The following KDM4B variants were observed in gnomAD, a reference collection of about 807,000 sequenced individuals.
KDM4B encodes lysine-specific demethylase 4B.
Under a neutral mutation model 125.2 loss-of-function variants are expected in KDM4B, and 32 were observed. The ratio of observed to expected loss-of-function variants is 0.26; its 90% CI spans 0.19 to 0.34. The LOEUF (loss-of-function observed/expected upper bound fraction) is 0.34, where lower values mean the gene tolerates loss of function less well. Among genes scored for constraint, KDM4B ranks in the 10% least tolerant of loss-of-function variants. KDM4B has a pLI of 1.00. For synonymous variants in KDM4B, 721 were observed against 677.9 expected, an observed-to-expected ratio of 1.06 and a Z score of -0.99; for missense variants, 1,190 against 1,577.7, an observed-to-expected ratio of 0.75 and a Z score of 4.16.
chr19:4,998,128 G>C (rs898541354), intron 1 of KDM4B, among the ~76,000 whole-genome samples: 1 of 152,210 alleles, frequency 6.6e-6, no homozygotes, highest in African/African-American at 2.4e-5. Context: ...TCCCCGCTCT[G>C]TGTGGCTCCA....
intron 6 of KDM4B, among the ~76,000 whole-genome samples, chr19:5,051,187 C>T (rs921656417): frequency 2.0e-5 from 3 of 152,256 alleles, no homozygotes; most frequent in Admixed American, 1.3e-4. Context: ...TGTTGGGTCT[C>T]GGCCAGCCCT....
intron 2 of KDM4B, among the ~76,000 whole-genome samples, chr19:5,031,760 G>C (rs1386398622): frequency 6.6e-6 from 1 of 152,184 alleles, no homozygotes; most frequent in Non-Finnish European, 1.5e-5. Flanking sequence ...GTCCTGCTCA[G>C]ATTCCTGGGT....
chr19:5,108,528 C>T (rs74841705), intron 9 of KDM4B, among the ~76,000 whole-genome samples: 2,866 of 152,238 alleles, frequency 0.019, 91 homozygotes, highest in African/African-American at 0.065. Context: ...GGAAGGTTTC[C>T]GTCGTCCCCA....
In KDM4B at chr19:5,131,365, G is replaced by C. The variant is rs1003820681; in HGVS notation, c.1605G>C (p.Pro535=). 1 of 1,611,858 alleles carries C rather than the reference G, an allele frequency of 6.2e-7. No homozygotes were observed. The highest frequency in any genetic ancestry group is 8.5e-7 in the Non-Finnish European group (1 of 1,179,794). Residue 535 remains proline, a synonymous_variant, in exon 12 of 23, where the codon CCG becomes CCC. Coordinates refer to ENST00000159111, the MANE Select transcript of KDM4B (RefSeq NM_015015.3). ...IIPMLYVVPR[P]GKAAFNQEHV... is the part of the protein sequence containing the mutation. ...CCATGCTGTACGTGGTGCCGCGGCC[G>C]GGCAAGGCAGCCTTCAACCAGGAGC...
chr19:5,038,626 C>T lies in KDM4B; in HGVS notation c.142-1210C>T, dbSNP rs542860868. Among the ~76,000 whole-genome samples the T allele has an allele frequency of 2.0e-5, 3 of 152,336 alleles. No individual in the cohort carries two copies. The South Asian group carries it at 6.2e-4, about 32-fold the overall frequency. On this transcript the variant is annotated intron_variant, in intron 3 of 22. Coordinates refer to ENST00000159111, the MANE Select transcript of KDM4B (RefSeq NM_015015.3). ...CCCAGGACCTCTCTGGGGTGGAAGT[C>T]CACGTGGCCGCCAGGCTAGAGGTCC...
At chr19:5,119,155 A>G (rs1249389498) in intron 10 of KDM4B, 2 of 1,535,076 alleles carry the variant, frequency 1.3e-6, no homozygotes, top group South Asian at 1.2e-5. Context: ...CTGGAGAAAG[A>G]CTGAGGAGGA....
chr19:5,121,578 A>G (rs529842385), intron 11 of KDM4B, among the ~76,000 whole-genome samples: 2 of 152,298 alleles, frequency 1.3e-5, no homozygotes, highest in Admixed American at 1.3e-4. Flanking sequence ...GCTCCCAAAG[A>G]TGCCCCTTAT....
chr19:5,077,183 C>T, intron 7 of KDM4B, 184 bp from the exon 8 acceptor site: 1 of 626,046 alleles, frequency 1.6e-6, no homozygotes, highest in South Asian at 1.8e-5. Flanking sequence ...TCCTGCGCAT[C>T]TCCTTCCCCC....
In KDM4B at chr19:5,035,863, C is replaced by G. The variant is rs889260273; in HGVS notation, c.141+2832C>G. On this transcript the variant is annotated intron_variant, in intron 3 of 22. Coordinates refer to ENST00000159111, the MANE Select transcript of KDM4B (RefSeq NM_015015.3). The surrounding 1 kb of genome is among the most constrained non-coding windows in gnomAD (Gnocchi z 5.3). ...GGAGGGGCTGTGTGTGCACGTGTCT[C>G]TGTGTGTGTGTGTGTGTGCGCGCGC... Among the ~76,000 whole-genome samples the G allele has an allele frequency of 7.0e-5, 10 of 142,188 alleles. No homozygotes were observed. The highest frequency in any genetic ancestry group is 1.2e-4 in the Non-Finnish European group (8 of 64,818). The allele number at this position is 142,188 out of a possible 152,430, so 93.3% of individuals were successfully genotyped here.
intron 2 of KDM4B, among the ~76,000 whole-genome samples, chr19:5,028,071 G>A (rs2036337000): frequency 6.6e-6 from 1 of 152,146 alleles, no homozygotes; most frequent in Non-Finnish European, 1.5e-5. Context: ...CGAAATCCTG[G>A]CCTCAAGTGA....
At chr19:5,090,135 C>T (rs1424855752) in intron 9 of KDM4B, among the ~76,000 whole-genome samples, 5 of 152,144 alleles carry the variant, frequency 3.3e-5, no homozygotes, top group African/African-American at 1.2e-4. Context: ...GAAGCCCAGC[C>T]CAGCATTGCT....
At chr19:5,043,603 T>A (rs1352668214) in intron 5 of KDM4B, among the ~76,000 whole-genome samples, 2 of 144,770 alleles carry the variant, frequency 1.4e-5, no homozygotes, top group African/African-American at 5.3e-5. Context: ...GTGTCCACCA[T>A]ATCCTGCGTG....
chr19:4,986,205 T>A (rs1170039377), intron 1 of KDM4B, among the ~76,000 whole-genome samples: 1 of 152,182 alleles, frequency 6.6e-6, no homozygotes, highest in Non-Finnish European at 1.5e-5. Flanking sequence ...GGCCAGCATG[T>A]CTGCGGCCTC....
intron 15 of KDM4B, 74 bp from the exon 16 acceptor site, chr19:5,137,188 T>A: frequency 9.7e-7 from 1 of 1,027,110 alleles, no homozygotes; most frequent in Non-Finnish European, 1.5e-6. Context: ...ACCCGGCCCC[T>A]CCCCCTGAGT....
intron 1 of KDM4B, among the ~76,000 whole-genome samples, chr19:4,977,734 G>A (rs1442791275): frequency 2.6e-5 from 4 of 152,178 alleles, no homozygotes; most frequent in African/African-American, 9.6e-5. Context: ...TGATCATGGC[G>A]GGATGGAAAT....
At chr19:5,129,974 C>T (rs2039514251) in intron 11 of KDM4B, among the ~76,000 whole-genome samples, 1 of 152,236 alleles carries the variant, frequency 6.6e-6, no homozygotes, top group South Asian at 2.1e-4. Flanking sequence ...CGCCGCTGGG[C>T]TCACATGGAG....
At chr19:5,062,785 T>TG (rs545313689) in intron 6 of KDM4B, among the ~76,000 whole-genome samples, 1 of 147,718 alleles carries the variant, frequency 6.8e-6, no homozygotes, top group Non-Finnish European at 1.5e-5. Flanking sequence ...GTTTTTTTTT[T>TG]TTTTTTTTTT....
At chr19:4,973,441 G>A (rs540857188) in intron 1 of KDM4B, among the ~76,000 whole-genome samples, 31 of 152,060 alleles carry the variant, frequency 2.0e-4, no homozygotes, top group African/African-American at 7.5e-4. Context: ...CGCCTGCCTC[G>A]GCCTCCCAAA....
chr19:5,039,595 C>G (rs2036738623), intron 3 of KDM4B, among the ~76,000 whole-genome samples: 1 of 152,204 alleles, frequency 6.6e-6, no homozygotes, highest in African/African-American at 2.4e-5. Context: ...TGGGGGGGTG[C>G]TGTACCCAGC....
Sources: allele counts gnomAD v4.1 joint callset (sites outside exome capture counted in the v4.1 genomes callset), GRCh38; gene constraint gnomAD v4.1.1; non-coding constraint Gnocchi (gnomAD v3.1); transcripts MANE v1.5; gene names NCBI Gene and HGNC (gene_info 2026-07-23, HGNC 2026-07-21).